Variants in DSCAML1 observed in about 807,000 individuals in gnomAD.
DSCAML1 encodes DS cell adhesion molecule like 1.
Under a neutral mutation model 200.5 loss-of-function variants are expected in DSCAML1, and 38 were observed. The ratio of observed to expected loss-of-function variants is 0.19; its 90% CI spans 0.15 to 0.25. The LOEUF (loss-of-function observed/expected upper bound fraction) is 0.25, where lower values mean the gene tolerates loss of function less well. DSCAML1 is among the 10% of genes least tolerant of loss of function. The probability of loss-of-function intolerance (pLI) is 1.00; values close to 1 mark genes in which losing one functional copy is unlikely to be tolerated. For synonymous variants in DSCAML1, 1,215 were observed against 1,165.0 expected (o/e 1.04, Z -0.87); for missense variants, 2,223 against 2,858.8 (o/e 0.78, Z 5.07).
rs557110904 is a variant in DSCAML1 at position 117,515,018 on chromosome 11, G to A, written c.1783+1449C>T. ...CATGGAGCAATGTGAGAGGCACACA[G>A]TGCGCCTGCCGCAGTGACAGTGGCA... On this transcript the variant is annotated intron_variant, in intron 8 of 32. Coordinates refer to ENST00000651296, the MANE Select transcript of DSCAML1 (RefSeq NM_020693.4). Among the ~76,000 whole-genome samples, 21 of 152,154 alleles carry A rather than the reference G, an allele frequency of 1.4e-4. No homozygotes were observed. In the East Asian group the frequency reaches 4.1e-3, roughly 29 times the overall value.
intron 3 of DSCAML1, among the ~76,000 whole-genome samples, chr11:117,733,700 T>A (rs992858733): frequency 2.0e-5 from 3 of 152,214 alleles, no homozygotes; most frequent in African/African-American, 7.2e-5. Flanking sequence ...TGTGCACATC[T>A]TGTCTTTTGG....
chr11:117,601,372 C>A (rs57965047), intron 3 of DSCAML1, among the ~76,000 whole-genome samples: 4,628 of 152,296 alleles, frequency 0.03, 250 homozygotes, highest in African/African-American at 0.1. Context: ...GGGACAAAGA[C>A]TCTTCAGCAG....
At chr11:117,467,864 C>T (rs1335027248) in intron 16 of DSCAML1, among the ~76,000 whole-genome samples, 1 of 152,170 alleles carries the variant, frequency 6.6e-6, no homozygotes, top group Non-Finnish European at 1.5e-5. Flanking sequence ...GCTTCATGTA[C>T]GTGTATCTAT....
intron 3 of DSCAML1, among the ~76,000 whole-genome samples, chr11:117,564,757 CTT>C (rs398017728): frequency 2.7e-4 from 34 of 124,272 alleles, no homozygotes; most frequent in African/African-American, 6.1e-4. Flanking sequence ...CTCTCTCTCT[CTT>C]TCTTTCTTTC....
rs79735920 is a variant in DSCAML1, at chr11:117,526,263, A to G, written c.659-1180T>C. Among the ~76,000 whole-genome samples, 1,153 of 152,254 alleles carry G rather than the reference A, an allele frequency of 7.6e-3. 12 individuals carry two copies. The highest frequency in any genetic ancestry group is 0.026 in the African/African-American group (1,092 of 41,544). ...CTTATCCTCAATGCCAAGGCCTTCT[A>G]TGATCTGGGCCAGTGAGTCGGCCTG... On this transcript the variant is annotated intron_variant, in intron 4 of 32. Transcript: ENST00000651296.
At chr11:117,654,995 C>T (rs2052704801) in intron 3 of DSCAML1, among the ~76,000 whole-genome samples, 1 of 152,264 alleles carries the variant, frequency 6.6e-6, no homozygotes, top group Non-Finnish European at 1.5e-5. Context: ...TGTCTCCCAG[C>T]CCTGATGCCA....
At position 117,621,204 on chromosome 11, in the gene DSCAML1, C is replaced by T. The variant is rs574379186; in HGVS notation, c.512-88682G>A. 2.0e-5 allele frequency among the ~76,000 whole-genome samples: 3 copies of T among 152,318 alleles called. No individual in the cohort carries two copies. In the South Asian group the frequency reaches 6.2e-4, roughly 32 times the overall value. ...AGGCTTCTACCACTTACTAGCTGTG[C>T]ATTGTCAGGCATGTTACTTAAAATA... On this transcript the variant is annotated intron_variant, in intron 3 of 32. Transcript: ENST00000651296.
chr11:117,646,342 C>T (rs2052522737), intron 3 of DSCAML1, among the ~76,000 whole-genome samples: 1 of 152,080 alleles, frequency 6.6e-6, no homozygotes, highest in Non-Finnish European at 1.5e-5. Context: ...AGATGGAGCC[C>T]TCACCCAGAA....
intron 3 of DSCAML1, among the ~76,000 whole-genome samples, chr11:117,754,468 G>A (rs940604258): frequency 6.6e-6 from 1 of 152,138 alleles, no homozygotes; most frequent in African/African-American, 2.4e-5. Flanking sequence ...CTCAGCTCGG[G>A]AGGGTGCAGT....
chr11:117,751,099 G>A (rs1407843606), intron 3 of DSCAML1, among the ~76,000 whole-genome samples: 2 of 152,096 alleles, frequency 1.3e-5, no homozygotes, highest in Admixed American at 1.3e-4. Flanking sequence ...ATGCATGTTT[G>A]TGTGTGTTTG....
intron 3 of DSCAML1, among the ~76,000 whole-genome samples, chr11:117,558,112 G>A (rs769524726): frequency 1.3e-5 from 2 of 152,124 alleles, no homozygotes; most frequent in Admixed American, 6.5e-5. Context: ...GGGGATGGGC[G>A]ATGAGGTTTA....
At chr11:117,740,001 C>A (rs997693183) in intron 3 of DSCAML1, among the ~76,000 whole-genome samples, 1 of 152,126 alleles carries the variant, frequency 6.6e-6, no homozygotes, top group Non-Finnish European at 1.5e-5. Flanking sequence ...GGGGCTGTGA[C>A]GTGTGCAAGT....
intron 3 of DSCAML1, among the ~76,000 whole-genome samples, chr11:117,762,439 T>C (rs1272216568): frequency 2.6e-5 from 4 of 151,484 alleles, no homozygotes; most frequent in Admixed American, 2.0e-4. Flanking sequence ...TGTCAATAAG[T>C]TTTTTTTTCC....
chr11:117,692,352 G>A (rs373831522), intron 3 of DSCAML1, among the ~76,000 whole-genome samples: 10 of 152,002 alleles, frequency 6.6e-5, no homozygotes, highest in African/African-American at 2.2e-4. Context: ...AGTCTCACTC[G>A]GAGCCGTTCT....
chr11:117,716,077 C>T (rs543124893), intron 3 of DSCAML1, among the ~76,000 whole-genome samples: 20 of 152,354 alleles, frequency 1.3e-4, no homozygotes, highest in African/African-American at 3.6e-4. Context: ...CCCAGGCTGA[C>T]GCCTGTTGGT....
chr11:117,595,562 G>A (rs1236685386), intron 3 of DSCAML1, among the ~76,000 whole-genome samples: 2 of 152,212 alleles, frequency 1.3e-5, no homozygotes, highest in African/African-American at 4.8e-5. Flanking sequence ...GATAGGCTGT[G>A]ATAAAAATGG....
chr11:117,609,035 C>CAA (rs58446545), intron 3 of DSCAML1, among the ~76,000 whole-genome samples: 1,362 of 110,872 alleles, frequency 0.012, 12 homozygotes, highest in Non-Finnish European at 0.018. Flanking sequence ...AACAAACAAA[C>CAA]AAAAAAAACA....
chr11:117,540,748 G>C (rs2050253265), intron 3 of DSCAML1, among the ~76,000 whole-genome samples: 2 of 152,078 alleles, frequency 1.3e-5, no homozygotes, highest in African/African-American at 4.8e-5. Flanking sequence ...TGTAAATGAC[G>C]AGTTGATGGG....
At chr11:117,572,534 C>T (rs930941346) in intron 3 of DSCAML1, among the ~76,000 whole-genome samples, 1 of 152,168 alleles carries the variant, frequency 6.6e-6, no homozygotes, top group Non-Finnish European at 1.5e-5. Context: ...TGCCCCATCC[C>T]CTTTAGTGAA....
Sources: allele counts gnomAD v4.1 joint callset (sites outside exome capture counted in the v4.1 genomes callset), GRCh38; gene constraint gnomAD v4.1.1; transcripts MANE v1.5; gene names NCBI Gene and HGNC (gene_info 2026-07-23, HGNC 2026-07-21).